The following NRXN3 variants were observed in gnomAD, a reference collection of about 807,000 sequenced individuals.
NRXN3 encodes neurexin 3.
In NRXN3, 32 loss-of-function variants were observed where a neutral mutation model predicts 137.6. The observed-to-expected ratio is 0.23, with a 90% CI of 0.18 to 0.31. The LOEUF is 0.31. NRXN3 is among the 10% of genes least tolerant of loss of function. The pLI, the probability that NRXN3 is intolerant of heterozygous loss-of-function variation, is 1.00. For missense variants in NRXN3, 1,574 were observed against 2,062.5 expected, an observed-to-expected ratio of 0.76 and a Z score of 4.59; for synonymous variants, 798 against 784.5, an observed-to-expected ratio of 1.02 and a Z score of -0.29.
intron 15 of NRXN3, among the ~76,000 whole-genome samples, chr14:79,170,763 C>A (rs903724458): frequency 1.1e-4 from 16 of 151,980 alleles, no homozygotes; most frequent in African/African-American, 3.9e-4. Flanking sequence ...CTTAAAAGGA[C>A]CTGTATTCAT....
intron 10 of NRXN3, among the ~76,000 whole-genome samples, chr14:78,932,075 G>C (rs1399046042): frequency 6.6e-6 from 1 of 152,114 alleles, no homozygotes. Context: ...GGGAGATGGA[G>C]GTTGCAGTAA....
chr14:79,240,341 A>G (rs1228011333), intron 15 of NRXN3, among the ~76,000 whole-genome samples: 1 of 152,040 alleles, frequency 6.6e-6, no homozygotes, highest in South Asian at 2.1e-4. Context: ...CAGGCCCCAA[A>G]GAAGTTTTCC....
At chr14:79,676,356 C>G (rs1269811608) in intron 17 of NRXN3, among the ~76,000 whole-genome samples, 1 of 151,922 alleles carries the variant, frequency 6.6e-6, no homozygotes, top group African/African-American at 2.4e-5. Flanking sequence ...TATTCCCCAC[C>G]ACGCCTGGTA....
At chr14:79,022,476 T>C (rs1304269400) in intron 15 of NRXN3, among the ~76,000 whole-genome samples, 1 of 152,182 alleles carries the variant, frequency 6.6e-6, no homozygotes, top group African/African-American at 2.4e-5. Flanking sequence ...AATGGTCCAC[T>C]GACAGGTCAA....
intron 4 of NRXN3, among the ~76,000 whole-genome samples, chr14:78,410,537 C>T (rs990908829): frequency 2.0e-5 from 3 of 152,254 alleles, no homozygotes; most frequent in African/African-American, 7.2e-5. Context: ...GGTTCTTCTT[C>T]AGACCAGAGG....
At chr14:79,132,458 C>G (rs949263016) in intron 15 of NRXN3, among the ~76,000 whole-genome samples, 1 of 152,038 alleles carries the variant, frequency 6.6e-6, no homozygotes, top group Non-Finnish European at 1.5e-5. Flanking sequence ...ATTTTGATCA[C>G]ATTTTGAAGT....
At chr14:79,568,515 C>T (rs2097570139) in intron 16 of NRXN3, among the ~76,000 whole-genome samples, 1 of 151,804 alleles carries the variant, frequency 6.6e-6, no homozygotes, top group Non-Finnish European at 1.5e-5. Context: ...ACAAACTCCA[C>T]CTCAGAGAGA....
chr14:78,677,653 G>A (rs1413177259), intron 6 of NRXN3, among the ~76,000 whole-genome samples: 2 of 152,162 alleles, frequency 1.3e-5, no homozygotes, highest in African/African-American at 4.8e-5. Context: ...TAAGGTTTGA[G>A]AAGATTGACT....
At chr14:78,563,192 T>C (rs1279746822) in intron 4 of NRXN3, among the ~76,000 whole-genome samples, 3 of 152,238 alleles carry the variant, frequency 2.0e-5, no homozygotes, top group African/African-American at 7.2e-5. Flanking sequence ...AAATTTCTTA[T>C]GACCTAGCTT....
At chr14:78,518,226 A>G (rs1254483382) in intron 4 of NRXN3, among the ~76,000 whole-genome samples, 3 of 152,170 alleles carry the variant, frequency 2.0e-5, no homozygotes, top group Non-Finnish European at 2.9e-5. Context: ...TAGTACAAGT[A>G]CCCAAATGTG....
At chr14:79,280,391 T>A (rs2081080812) in intron 15 of NRXN3, 2 of 1,614,024 alleles carry the variant, frequency 1.2e-6, no homozygotes. Flanking sequence ...CAGCTCTGTA[T>A]GGAGTTCTTC....
chr14:78,461,804 A>G (rs1191398829), intron 4 of NRXN3, among the ~76,000 whole-genome samples: 2 of 152,338 alleles, frequency 1.3e-5, no homozygotes, highest in Middle Eastern at 6.8e-3. Context: ...AATCCTAAAA[A>G]TTACTTTCAT....
chr14:78,995,798 A>G (rs1307925549), intron 15 of NRXN3, among the ~76,000 whole-genome samples: 1 of 152,238 alleles, frequency 6.6e-6, no homozygotes, highest in Non-Finnish European at 1.5e-5. Flanking sequence ...CAAGATGACA[A>G]AAGACTATTT....
chr14:78,445,345 T>C (rs1421933978), intron 4 of NRXN3, among the ~76,000 whole-genome samples: 2 of 152,212 alleles, frequency 1.3e-5, no homozygotes, highest in Non-Finnish European at 2.9e-5. Context: ...AATAAAAAGG[T>C]CCAACCAGAT....
intron 10 of NRXN3, among the ~76,000 whole-genome samples, chr14:78,823,303 T>C (rs1343610213): frequency 6.6e-6 from 1 of 152,138 alleles, no homozygotes; most frequent in African/African-American, 2.4e-5. Context: ...AGCCAACAGG[T>C]TGTGGCTGCT....
At chr14:78,701,537 C>T (rs999897133) in intron 6 of NRXN3, among the ~76,000 whole-genome samples, 1 of 152,154 alleles carries the variant, frequency 6.6e-6, no homozygotes, top group Non-Finnish European at 1.5e-5. Context: ...GCTACTTCAA[C>T]GTCAGTTTCC....
rs1290372469 is a variant in NRXN3 at position 78,764,728 on chromosome 14, T to A, written c.2045-38892T>A. On this transcript the variant is annotated intron_variant, in intron 8 of 20. Transcript: ENST00000335750. ...GGGAAATGCGTGGTCATTTCCTGAA[T>A]GTAAAAAACACCTAGGGTTGGGATA... Among the ~76,000 whole-genome samples, 3 of 152,138 alleles carry A rather than the reference T, an allele frequency of 2.0e-5. No homozygotes were observed. In the East Asian group the frequency reaches 5.8e-4, roughly 29 times the overall value.
At chr14:78,552,402 G>C (rs1323275892) in intron 4 of NRXN3, among the ~76,000 whole-genome samples, 2 of 152,196 alleles carry the variant, frequency 1.3e-5, no homozygotes, top group African/African-American at 4.8e-5. Flanking sequence ...CTTAGAAAGG[G>C]AGAAGGGCTA....
At chr14:79,512,201 A>G (rs1302800942) in intron 16 of NRXN3, among the ~76,000 whole-genome samples, 1 of 152,178 alleles carries the variant, frequency 6.6e-6, no homozygotes, top group Non-Finnish European at 1.5e-5. Flanking sequence ...GCCCGGCCTT[A>G]TAATAAATAG....
Sources: allele counts gnomAD v4.1 joint callset (sites outside exome capture counted in the v4.1 genomes callset), GRCh38; gene constraint gnomAD v4.1.1; transcripts MANE v1.5; gene names NCBI Gene and HGNC (gene_info 2026-07-23, HGNC 2026-07-21).